Variants in PDZRN3 observed in about 807,000 individuals in gnomAD.
The protein encoded by PDZRN3 is E3 ubiquitin-protein ligase PDZRN3.
Under a neutral mutation model 85.7 loss-of-function variants are expected in PDZRN3, and 38 were observed. The ratio of observed to expected loss-of-function variants is 0.44; its 90% CI spans 0.34 to 0.58. The LOEUF (loss-of-function observed/expected upper bound fraction) is 0.58, where lower values mean the gene tolerates loss of function less well. PDZRN3 is among the 20% of genes least tolerant of loss of function. The pLI is 0.01. For synonymous variants in PDZRN3, 759 were observed against 638.0 expected, an observed-to-expected ratio of 1.19 and a Z score of -2.86; for missense variants, 1,629 against 1,506.4, an observed-to-expected ratio of 1.08 and a Z score of -1.35.
At chr3:73,463,954 A>C (rs924207376) in intron 3 of PDZRN3, among the ~76,000 whole-genome samples, 1 of 152,118 alleles carries the variant, frequency 6.6e-6, no homozygotes, top group Non-Finnish European at 1.5e-5. Flanking sequence ...AAAAGTTTTA[A>C]AAAAAAGTGC....
chr3:73,541,870 T>C (rs1704929757), intron 3 of PDZRN3, among the ~76,000 whole-genome samples: 1 of 152,152 alleles, frequency 6.6e-6, no homozygotes, highest in South Asian at 2.1e-4. Flanking sequence ...AATTTTCTCA[T>C]ACTATGTAAA....
chr3:73,404,137 A>C lies in PDZRN3; in HGVS notation c.1166+11T>G. On this transcript the variant is annotated intron_variant, in intron 4 of 9. Coordinates refer to ENST00000263666, the MANE Select transcript of PDZRN3 (RefSeq NM_015009.3). ...CTTAATGCATTAGGGGTTCAAGATTAGGTTACTTACTCCTCTGGCAAGAGA... is the reference window on the plus strand; with the variant it reads ...CTTAATGCATTAGGGGTTCAAGATTCGGTTACTTACTCCTCTGGCAAGAGA... The C allele has an allele frequency of 1.2e-6, 2 of 1,611,402 alleles. No homozygotes were observed. The highest frequency in any genetic ancestry group is 2.2e-5 in the South Asian group (2 of 90,820).
chr3:73,590,838 A>G (rs754546516), intron 3 of PDZRN3, among the ~76,000 whole-genome samples: 7 of 152,200 alleles, frequency 4.6e-5, no homozygotes, highest in Admixed American at 1.3e-4. Flanking sequence ...CAGAAATCCA[A>G]TAATAATGCT....
intron 3 of PDZRN3, among the ~76,000 whole-genome samples, chr3:73,550,205 T>C (rs923495957): frequency 1.3e-5 from 2 of 152,270 alleles, no homozygotes; most frequent in Middle Eastern, 3.4e-3. Context: ...AGCTGAATCA[T>C]CCGGGAACTG....
intron 3 of PDZRN3, among the ~76,000 whole-genome samples, chr3:73,429,444 G>C (rs1032001852): frequency 3.3e-5 from 5 of 151,726 alleles, no homozygotes; most frequent in Non-Finnish European, 5.9e-5. Context: ...CTGACTCTCA[G>C]CTGATGCAGA....
chr3:73,474,551 T>A, intron 3 of PDZRN3: 1 of 1,287,306 alleles, frequency 7.8e-7, no homozygotes, highest in South Asian at 1.2e-5. Context: ...AAAAATTGAC[T>A]CAGTGAAGCA....
At chr3:73,478,106 A>T (rs1235804119) in intron 3 of PDZRN3, among the ~76,000 whole-genome samples, 2 of 152,196 alleles carry the variant, frequency 1.3e-5, no homozygotes, top group East Asian at 3.9e-4. Context: ...AAAGCAAAGA[A>T]GGGTGAATTT....
intron 5 of PDZRN3, among the ~76,000 whole-genome samples, chr3:73,398,509 C>T (rs796401676): frequency 1.3e-4 from 20 of 152,266 alleles, no homozygotes; most frequent in African/African-American, 4.8e-4. Context: ...TCCCACATCT[C>T]CTAGGTGAGA....
intron 3 of PDZRN3, among the ~76,000 whole-genome samples, chr3:73,490,364 C>T (rs918400689): frequency 1.3e-5 from 2 of 152,230 alleles, no homozygotes; most frequent in African/African-American, 4.8e-5. Flanking sequence ...TCACACTGTG[C>T]TCCTGTTAGG....
chr3:73,502,994 C>T (rs547668297), intron 3 of PDZRN3, among the ~76,000 whole-genome samples: 23 of 152,290 alleles, frequency 1.5e-4, no homozygotes, highest in African/African-American at 5.5e-4. Context: ...TGGTTTTGCA[C>T]TTCTGGGGCT....
At chr3:73,438,793 A>T (rs1702579399) in intron 3 of PDZRN3, among the ~76,000 whole-genome samples, 1 of 151,990 alleles carries the variant, frequency 6.6e-6, no homozygotes, top group Admixed American at 6.5e-5. Flanking sequence ...CAGCCAATAA[A>T]CCCATCAAGC....
chr3:73,410,043 T>C (rs1262195914), intron 3 of PDZRN3, among the ~76,000 whole-genome samples: 1 of 152,148 alleles, frequency 6.6e-6, no homozygotes, highest in Non-Finnish European at 1.5e-5. Context: ...TTTAATTAAA[T>C]ACAGGGGGAG....
chr3:73,544,051 A>G (rs1255571542), intron 3 of PDZRN3, among the ~76,000 whole-genome samples: 1 of 152,210 alleles, frequency 6.6e-6, no homozygotes, highest in East Asian at 1.9e-4. Context: ...GGTCTCTACT[A>G]AAAATACAAA....
chr3:73,433,909 T>C, intron 3 of PDZRN3: 2 of 1,415,576 alleles, frequency 1.4e-6, no homozygotes, highest in East Asian at 2.6e-5. Context: ...CCTCGCAGCA[T>C]GCATGCATGC....
intron 3 of PDZRN3, among the ~76,000 whole-genome samples, chr3:73,591,790 A>G (rs77810710): frequency 6.6e-6 from 1 of 152,350 alleles, no homozygotes; most frequent in Non-Finnish European, 1.5e-5. Context: ...TGATAGAACT[A>G]GAATTCAAAA....
intron 3 of PDZRN3, among the ~76,000 whole-genome samples, chr3:73,535,070 AC>A (rs1704744787): frequency 6.6e-6 from 1 of 151,342 alleles, no homozygotes; most frequent in East Asian, 1.9e-4. Flanking sequence ...AAGGCTAAGG[AC>A]CATCACCTGG....
chr3:73,612,408 G>T (rs533680052), intron 1 of PDZRN3, among the ~76,000 whole-genome samples: 45 of 152,326 alleles, frequency 3.0e-4, no homozygotes, highest in Admixed American at 1.1e-3. Context: ...TGAAGGATCA[G>T]ACAATTAATT....
At chr3:73,590,135 G>A (rs899191538) in intron 3 of PDZRN3, among the ~76,000 whole-genome samples, 2 of 141,278 alleles carry the variant, frequency 1.4e-5, no homozygotes, top group African/African-American at 5.0e-5. Context: ...TGAGTGTGGT[G>A]ACGGGCACCT....
intron 3 of PDZRN3, among the ~76,000 whole-genome samples, chr3:73,562,621 C>T (rs1297337794): frequency 2.0e-5 from 3 of 152,008 alleles, no homozygotes; most frequent in Admixed American, 6.6e-5. Context: ...TCTACATTTC[C>T]GGGACTTCAG....
Sources: gnomAD v4.1 joint callset for allele counts (sites outside exome capture counted in the v4.1 genomes callset) on GRCh38, gnomAD v4.1.1 for gene constraint, MANE v1.5 for transcripts, NCBI Gene and HGNC (gene_info 2026-07-23, HGNC 2026-07-21) for gene names.